The following MYH4 variants were observed in gnomAD, a reference collection of about 807,000 sequenced individuals.
MYH4 encodes myosin-4.
In MYH4, 200 loss-of-function variants were observed where a neutral mutation model predicts 229.9. The ratio of observed to expected loss-of-function variants is 0.87; its 90% CI spans 0.78 to 0.98. MYH4 has a LOEUF of 0.98. Among genes scored for constraint, MYH4 ranks in the 50% least tolerant of loss-of-function variants. The probability of loss-of-function intolerance (pLI) is 0.00; values close to 1 mark genes in which losing one functional copy is unlikely to be tolerated. For missense variants in MYH4, 2,148 were observed against 2,332.6 expected, an observed-to-expected ratio of 0.92 and a Z score of 1.63; for synonymous variants, 761 against 834.6, an observed-to-expected ratio of 0.91 and a Z score of 1.52.
chr17:10,444,655 C>T lies in MYH4; in HGVS notation c.5616G>A (p.Val1872=). The T allele has an allele frequency of 6.2e-7, 1 of 1,613,970 alleles. No homozygotes were observed. Among genetic ancestry groups the T allele is most frequent in the Non-Finnish European group, 8.5e-7 (1 of 1,180,004 alleles). Residue 1872 remains valine (V), a synonymous_variant, in exon 39 of 40, where the codon GTG becomes GTA. Coordinates refer to ENST00000255381, the MANE Select transcript of MYH4 (RefSeq NM_017533.2). ...CTTTGACTTTGGTTTGCAATTTGTC[C>T]ACCAAGTCCTGCAGCCTGAGAATAT... is the stretch of plus-strand genomic sequence containing the variant. ...RKNILRLQDL[V]DKLQTKVKAY... is the part of the protein sequence containing the mutation.
rs147966650 is a variant in MYH4, at chr17:10,449,032, C to G, written c.4197G>C (p.Gln1399His). The G allele has an allele frequency of 5.0e-6, 8 of 1,614,036 alleles. No individual in the cohort carries two copies. In the African/African-American group the frequency reaches 8.0e-5, roughly 16 times the overall value. The change falls in exon 31 of 40, where the codon CAG becomes CAC. Residue 1399 changes from glutamine (Q) to histidine (H), a missense_variant. Coordinates refer to ENST00000255381, the MANE Select transcript of MYH4 (RefSeq NM_017533.2). The stretch of plus-strand genomic sequence containing the variant: ...CATGTTCTTCTGCATCCTGCAGACG[C>G]TGGGCTAGCTTCTTCCTGAAAATTG... ...ELEEAKKKLAQRLQDAEEHVE... is the reference protein window; with the variant it reads ...ELEEAKKKLAHRLQDAEEHVE...
Position 10,465,542 on chromosome 17 carries a change from G to A in MYH4, c.405C>T (p.Tyr135=). ...TVNPYKWLPV[Y]NPEVVTAYRG... The stretch of plus-strand genomic sequence containing the variant: ...GGTAGGCTGTCACCACCTCAGGGTT[G>A]TACACCGGCAGCCACTTGTAGGGGT... The change falls in exon 5 of 40, where the codon TAC becomes TAT. Residue 135 remains tyrosine (Y), a synonymous_variant. Coordinates refer to ENST00000255381, the MANE Select transcript of MYH4 (RefSeq NM_017533.2). The A allele has an allele frequency of 6.2e-7, 1 of 1,614,132 alleles. No homozygotes were observed. Among genetic ancestry groups the A allele is most frequent in the Non-Finnish European group, 8.5e-7 (1 of 1,180,016 alleles).
At chr17:10,452,552 ATCT>A in intron 25 of MYH4, 46 bp from the exon 26 acceptor site, 1 of 1,571,324 alleles carries the variant, frequency 6.4e-7, no homozygotes, top group Non-Finnish European at 8.7e-7. Flanking sequence ...TCTCTTACCA[ATCT>A]TCTTTTCTAT....
At chr17:10,465,741 T>C (rs2072756955) in intron 4 of MYH4, 143 bp from the exon 5 acceptor site, 8 of 1,049,760 alleles carry the variant, frequency 7.6e-6, no homozygotes, top group South Asian at 5.8e-5. Context: ...CCTTCCATCA[T>C]TGCTGCTGCA....
At chr17:10,453,076 A>G in intron 24 of MYH4, 76 bp downstream of exon 24, 2 of 1,603,300 alleles carry the variant, frequency 1.2e-6, no homozygotes, top group Non-Finnish European at 8.5e-7. Context: ...TTAAAGGCTT[A>G]TGACTATCAG....
intron 2 of MYH4, 47 bp from the exon 3 acceptor site, chr17:10,466,831 G>T (rs1209106341): frequency 2.6e-6 from 4 of 1,519,708 alleles, no homozygotes; most frequent in East Asian, 4.5e-5. Context: ...TTGGGGTGGA[G>T]AATTGTTCTG....
Position 10,443,548 on chromosome 17 carries a change from G to A in MYH4, c.5668-21C>T, listed in dbSNP as rs368170878. ...TCCTCCTGAGAACAGAGATGCATTT[G>A]AGATAACAAGAAAATTGGACATTTC... On this transcript the variant is annotated intron_variant, in intron 39 of 39. Coordinates refer to ENST00000255381, the MANE Select transcript of MYH4 (RefSeq NM_017533.2). The surrounding 1 kb of genome is among the most constrained non-coding windows in gnomAD (Gnocchi z 4.6). 6.3e-7 allele frequency: 1 copy of A among 1,593,760 alleles called. No homozygotes were observed. Among genetic ancestry groups the A allele is most frequent in the Non-Finnish European group, 8.6e-7 (1 of 1,168,296 alleles).
chr17:10,466,967 A>ATAGC lies in MYH4; in HGVS notation c.-39-187_-39-184dup, dbSNP rs1431107922. On this transcript the variant is annotated intron_variant, in intron 2 of 39. Transcript: ENST00000255381. ...TCATTGATTTGAAAGCACTATGTTG[A>ATAGC]TAGCTTAATTTTTGTGATACTTTAA... Among the ~76,000 whole-genome samples, 12 of 152,278 alleles carry ATAGC rather than the reference A, an allele frequency of 7.9e-5. 1 individual carries two copies. Among genetic ancestry groups the ATAGC allele is most frequent in the African/African-American group, 2.6e-4 (11 of 41,564 alleles).
In MYH4 at chr17:10,463,511, C is replaced by T. The variant is rs200535325; in HGVS notation, c.741+40G>A. 3 of 1,584,382 alleles carry T rather than the reference C, an allele frequency of 1.9e-6. No individual in the cohort carries two copies. The Admixed American group carries it at 5.0e-5, about 27-fold the overall frequency. On this transcript the variant is annotated intron_variant, in intron 8 of 39. Coordinates refer to ENST00000255381, the MANE Select transcript of MYH4 (RefSeq NM_017533.2). Reference sequence around the variant, plus strand: ...ATTGACACCACATGCACACAAGAATCAGTGCTGATCCTCAAGAAAATGAAG... The same window carrying T: ...ATTGACACCACATGCACACAAGAATTAGTGCTGATCCTCAAGAAAATGAAG...
At chr17:10,466,121 T>C in intron 4 of MYH4, 152 bp downstream of exon 4, 2 of 1,029,250 alleles carry the variant, frequency 1.9e-6, no homozygotes, top group Non-Finnish European at 2.8e-6. Context: ...CACATGTACA[T>C]TTTAAAACAT....
chr17:10,463,610 G>T lies in MYH4; in HGVS notation c.682C>A (p.Pro228Thr). ...TLEDQIISAN[P>T]LLEAFGNAKT... ...GCATTGCCGAAGGCTTCCAGTAGGG[G>T]GTTAGCACTGATGATTTGATCTTCA... The change falls in exon 8 of 40, where the codon CCC becomes ACC. Residue 228 changes from proline to threonine, a missense_variant. Physicochemically the swap from Pro to Thr is conservative, Grantham distance 38. Transcript: ENST00000255381. The T allele has an allele frequency of 6.2e-7, 1 of 1,612,912 alleles. No individual in the cohort carries two copies.
At chr17:10,449,663 A>G (rs1312738230) in intron 30 of MYH4, among the ~76,000 whole-genome samples, 3 of 152,206 alleles carry the variant, frequency 2.0e-5, no homozygotes, top group African/African-American at 7.2e-5. Flanking sequence ...AAGGTCATAC[A>G]ATGAATCAGT....
At chr17:10,464,447 G>T in intron 7 of MYH4, 25 bp downstream of exon 7, 2 of 1,586,326 alleles carry the variant, frequency 1.3e-6, no homozygotes, top group East Asian at 2.2e-5. Flanking sequence ...CTGTTATTCT[G>T]TCCTTAGATG....
chr17:10,460,689 T>C (rs931536045), intron 12 of MYH4, among the ~76,000 whole-genome samples: 2 of 152,238 alleles, frequency 1.3e-5, no homozygotes, highest in African/African-American at 4.8e-5. Context: ...AAAATATGTT[T>C]TAGTCAAATA....
chr17:10,456,433 G>C (rs1156502724), intron 17 of MYH4, 52 bp downstream of exon 17: 1 of 1,458,796 alleles, frequency 6.9e-7, no homozygotes, highest in East Asian at 2.3e-5. Context: ...CTGTTTTGAT[G>C]GTTTAGTTTT....
intron 34 of MYH4, among the ~76,000 whole-genome samples, 181 bp from the exon 35 acceptor site, chr17:10,447,397 A>T (rs2072523904): frequency 6.6e-6 from 1 of 152,182 alleles, no homozygotes; most frequent in Non-Finnish European, 1.5e-5. Flanking sequence ...AAAGAACATG[A>T]TGTTTTATTA....
At chr17:10,457,311 A>C in intron 16 of MYH4, 109 bp downstream of exon 16, 73 of 1,172,264 alleles carry the variant, frequency 6.2e-5, no homozygotes, top group Non-Finnish European at 8.0e-5. Flanking sequence ...TTAGGCATGT[A>C]TTGGCCAGTG....
At chr17:10,468,884 T>C (rs1239942509) in intron 2 of MYH4, among the ~76,000 whole-genome samples, 1 of 152,240 alleles carries the variant, frequency 6.6e-6, no homozygotes, top group Admixed American at 6.5e-5. Context: ...TATTTCAAGA[T>C]ACATAAAGGC....
chr17:10,465,234 A>G (rs541208255), intron 5 of MYH4, among the ~76,000 whole-genome samples: 401 of 152,318 alleles, frequency 2.6e-3, no homozygotes, highest in African/African-American at 9.1e-3. Context: ...CTATTTTTGG[A>G]ACTAGTGCTT....
Sources: gnomAD v4.1 joint callset for allele counts (sites outside exome capture counted in the v4.1 genomes callset) on GRCh38, gnomAD v4.1.1 for gene constraint, Gnocchi (gnomAD v3.1) non-coding constraint, MANE v1.5 for transcripts, NCBI Gene and HGNC (gene_info 2026-07-23, HGNC 2026-07-21) for gene names.